Variants in GRK5 observed in about 807,000 individuals in gnomAD.
The protein encoded by GRK5 is G protein-coupled receptor kinase 5.
Under a neutral mutation model 78.4 loss-of-function variants are expected in GRK5, and 40 were observed. The ratio of observed to expected loss-of-function variants is 0.51; its 90% CI spans 0.40 to 0.66. The LOEUF (loss-of-function observed/expected upper bound fraction) is 0.66, where lower values mean the gene tolerates loss of function less well. Ranked by LOEUF, GRK5 falls within the 30% of genes least tolerant of loss-of-function variation. GRK5 has a pLI of 0.00. For missense variants in GRK5, 598 were observed against 759.9 expected (o/e 0.79, Z 2.50); for synonymous variants, 289 against 296.8 (o/e 0.97, Z 0.27).
chr10:119,233,681 G>A (rs533454370), intron 1 of GRK5, among the ~76,000 whole-genome samples: 3 of 152,240 alleles, frequency 2.0e-5, no homozygotes, highest in South Asian at 2.1e-4. Flanking sequence ...ATCCTTAGGG[G>A]ATACCTGCCT....
intron 4 of GRK5, among the ~76,000 whole-genome samples, chr10:119,415,827 C>T (rs1852438194): frequency 6.6e-6 from 1 of 152,204 alleles, no homozygotes; most frequent in Non-Finnish European, 1.5e-5. Context: ...CCGCCATGGG[C>T]CAGCAAGTGA....
chr10:119,386,274 G>A (rs1204730247), intron 3 of GRK5, among the ~76,000 whole-genome samples: 1 of 152,202 alleles, frequency 6.6e-6, no homozygotes, highest in Non-Finnish European at 1.5e-5. Flanking sequence ...GGATGGAGAA[G>A]CGTGAGGACA....
intron 2 of GRK5, among the ~76,000 whole-genome samples, chr10:119,332,051 T>G (rs1034838097): frequency 9.2e-5 from 14 of 152,306 alleles, no homozygotes; most frequent in African/African-American, 3.4e-4. Flanking sequence ...TATATGTGCT[T>G]CTTTGTTAAT....
intron 1 of GRK5, among the ~76,000 whole-genome samples, chr10:119,296,854 A>G (rs1850090324): frequency 6.6e-6 from 1 of 152,270 alleles, no homozygotes; most frequent in Non-Finnish European, 1.5e-5. Context: ...GACAGAGCCT[A>G]GGACTGACTG....
chr10:119,252,455 G>A (rs1849219611), intron 1 of GRK5, among the ~76,000 whole-genome samples: 2 of 152,170 alleles, frequency 1.3e-5, no homozygotes, highest in African/African-American at 4.8e-5. Flanking sequence ...GTGTGGATGG[G>A]CCAGAACCCT....
Position 119,370,973 on chromosome 10 carries a change from C to T in GRK5, c.149-9842C>T, listed in dbSNP as rs114922841. ...TTGGACACCCCCCTCCTTCCACCCC[C>T]CCGCCCCACTCCAGCCTCACAACCT... On this transcript the variant is annotated intron_variant, in intron 2 of 15. Coordinates refer to ENST00000392870, the MANE Select transcript of GRK5 (RefSeq NM_005308.3). Among the ~76,000 whole-genome samples the T allele has an allele frequency of 3.5e-5, 5 of 142,520 alleles. 1 individual carries two copies. The highest frequency in any genetic ancestry group is 7.7e-5 in the Non-Finnish European group (5 of 65,106). 93.5% of individuals were successfully genotyped at this position (142,520 alleles called of 152,430 possible). A position where few individuals can be genotyped will look rare whatever the true frequency, so the allele number is the denominator to read the frequency against.
chr10:119,227,949 C>T (rs1246137545), intron 1 of GRK5, among the ~76,000 whole-genome samples: 5 of 151,982 alleles, frequency 3.3e-5, no homozygotes, highest in South Asian at 2.1e-4. Context: ...TGAAGTTCCA[C>T]GTCTAAGATT....
At chr10:119,429,514 C>T (rs1218218406) in intron 6 of GRK5, among the ~76,000 whole-genome samples, 1 of 150,592 alleles carries the variant, frequency 6.6e-6, no homozygotes, top group Non-Finnish European at 1.5e-5. Context: ...AAGCCCTCTG[C>T]ACCGTGATGT....
At chr10:119,407,418 TC>T (rs1286897374) in intron 4 of GRK5, among the ~76,000 whole-genome samples, 1 of 152,252 alleles carries the variant, frequency 6.6e-6, no homozygotes. Context: ...CAGCTGGGTT[TC>T]AATTCCTCTG....
intron 1 of GRK5, among the ~76,000 whole-genome samples, chr10:119,303,302 G>T (rs530013445): frequency 1.3e-5 from 2 of 152,354 alleles, no homozygotes; most frequent in South Asian, 4.1e-4. Context: ...GGTGTAGCAG[G>T]ATTAGATAAG....
Position 119,321,527 on chromosome 10 carries a change from T to C in GRK5, c.53-4989T>C, listed in dbSNP as rs182440623. Among the ~76,000 whole-genome samples, 16 of 152,304 alleles carry C rather than the reference T, an allele frequency of 1.1e-4. No individual in the cohort carries two copies. The East Asian group carries it at 2.9e-3, about 28-fold the overall frequency. ...AATGGCTGGTGAGTCTTCGTCACATTGCATCACTCTGACACTGGTTGCTCT... is the reference window on the plus strand; with the variant it reads ...AATGGCTGGTGAGTCTTCGTCACATCGCATCACTCTGACACTGGTTGCTCT... On this transcript the variant is annotated intron_variant, in intron 1 of 15. Coordinates refer to ENST00000392870, the MANE Select transcript of GRK5 (RefSeq NM_005308.3).
rs1387016633 is a variant in GRK5 at position 119,379,686 on chromosome 10, C to G, written c.149-1129C>G. Among the ~76,000 whole-genome samples, 1 of 152,162 alleles carries G rather than the reference C, an allele frequency of 6.6e-6. No individual in the cohort carries two copies. The highest frequency in any genetic ancestry group is 2.4e-5 in the African/African-American group (1 of 41,438). ...CATCGATGGCCTAGTGTTCCGTGCT[C>G]CAGAGAGCCTGAGACAGCATGTTTC... is the stretch of plus-strand genomic sequence containing the variant. On this transcript the variant is annotated intron_variant, in intron 2 of 15. Transcript: ENST00000392870. The surrounding 1 kb of genome is among the most constrained non-coding windows in gnomAD (Gnocchi z 4.1).
At chr10:119,307,628 C>T (rs1021662651) in intron 1 of GRK5, among the ~76,000 whole-genome samples, 3 of 152,070 alleles carry the variant, frequency 2.0e-5, no homozygotes, top group Non-Finnish European at 4.4e-5. Flanking sequence ...GGATTTAGCC[C>T]GGTGAATCTG....
At chr10:119,383,558 T>C (rs1181645455) in intron 3 of GRK5, among the ~76,000 whole-genome samples, 1 of 152,378 alleles carries the variant, frequency 6.6e-6, no homozygotes, top group East Asian at 1.9e-4. Flanking sequence ...TTTCTCGCAT[T>C]AATGTTTCTA....
chr10:119,283,479 A>G (rs1849795624), intron 1 of GRK5, among the ~76,000 whole-genome samples: 1 of 152,218 alleles, frequency 6.6e-6, no homozygotes, highest in Admixed American at 6.5e-5. Context: ...GCTGCAGGGA[A>G]GGAGTGAGAC....
chr10:119,372,635 T>G (rs1430091711), intron 2 of GRK5, among the ~76,000 whole-genome samples: 1 of 152,232 alleles, frequency 6.6e-6, no homozygotes, highest in Non-Finnish European at 1.5e-5. Context: ...GATCCAGGTC[T>G]CAAACATCAT....
chr10:119,440,645 AG>A (rs1277089484), intron 10 of GRK5, among the ~76,000 whole-genome samples: 1 of 149,904 alleles, frequency 6.7e-6, no homozygotes, highest in Non-Finnish European at 1.5e-5. Flanking sequence ...CTACCTCCCA[AG>A]TTCAAGTGAT....
chr10:119,391,294 C>G (rs1464011632), intron 3 of GRK5, among the ~76,000 whole-genome samples: 1 of 152,150 alleles, frequency 6.6e-6, no homozygotes, highest in East Asian at 1.9e-4. Context: ...GTACGTCTGA[C>G]CCTGGGGCCC....
At chr10:119,423,835 A>G (rs2133885314) in intron 5 of GRK5, among the ~76,000 whole-genome samples, 1 of 152,250 alleles carries the variant, frequency 6.6e-6, no homozygotes, top group East Asian at 1.9e-4. Flanking sequence ...ACACAGGCTC[A>G]TGAAAGTTCT....
Sources: gnomAD v4.1 joint callset for allele counts (sites outside exome capture counted in the v4.1 genomes callset) on GRCh38, gnomAD v4.1.1 for gene constraint, Gnocchi (gnomAD v3.1) non-coding constraint, MANE v1.5 for transcripts, NCBI Gene and HGNC (gene_info 2026-07-23, HGNC 2026-07-21) for gene names.